USP50: variants seen among roughly 807,000 people sequenced by gnomAD.
The protein encoded by USP50 is ubiquitin specific peptidase 50, also known as ubiquitin carboxyl-terminal hydrolase 50.
In USP50, 37 loss-of-function variants were observed where a neutral mutation model predicts 39.2. The ratio of observed to expected loss-of-function variants is 0.94; its 90% CI spans 0.73 to 1.24. The LOEUF is 1.24. USP50 is among the 50% of genes most tolerant of loss of function. The pLI is 0.00. For synonymous variants in USP50, 139 were observed against 144.5 expected (o/e 0.96, Z 0.27); for missense variants, 374 against 398.2 (o/e 0.94, Z 0.52).
intron 6 of USP50, chr15:50,507,560 T>A (rs574761461): frequency 6.6e-6 from 1 of 152,062 alleles, no homozygotes; most frequent in Admixed American, 6.5e-5. Flanking sequence ...TCACCCAAAT[T>A]GTATAATTTG....
intron 6 of USP50, among the ~76,000 whole-genome samples, chr15:50,527,193 G>A (rs2052904821): frequency 1.3e-5 from 2 of 152,012 alleles, no homozygotes; most frequent in South Asian, 2.1e-4. Flanking sequence ...GCCTGAGGTG[G>A]GGCCTGAGAT....
At chr15:50,536,643 A>G (rs2052982683) in intron 5 of USP50, among the ~76,000 whole-genome samples, 1 of 152,190 alleles carries the variant, frequency 6.6e-6, no homozygotes, top group African/African-American at 2.4e-5. Flanking sequence ...TCCATCTCAA[A>G]AAAATTTTAA....
chr15:50,524,439 T>A (rs1007404027), intron 6 of USP50, among the ~76,000 whole-genome samples: 9 of 152,312 alleles, frequency 5.9e-5, no homozygotes, highest in African/African-American at 2.2e-4. Context: ...ACAAATAAGC[T>A]GATTTTAAAA....
chr15:50,525,642 G>A (rs191469737), intron 6 of USP50, among the ~76,000 whole-genome samples: 4,225 of 99,776 alleles, frequency 0.042, 500 homozygotes, highest in African/African-American at 0.064. Context: ...ATATGTATAT[G>A]TGTATATGTA....
chr15:50,525,580 A>G (rs1288526570), intron 6 of USP50, among the ~76,000 whole-genome samples: 21 of 114,982 alleles, frequency 1.8e-4, no homozygotes, highest in Non-Finnish European at 2.9e-4. Flanking sequence ...ATGTATATGT[A>G]TATATGTATA....
At chr15:50,529,748 G>A (rs3098200) in intron 6 of USP50, 49 bp downstream of exon 6, 735,207 of 1,581,058 alleles carry the variant, frequency 0.47, 172,358 homozygotes, top group Admixed American at 0.56. Flanking sequence ...AGATAATTCT[G>A]GAGTTTTCTT....
intron 6 of USP50, 136 bp downstream of exon 6, chr15:50,529,661 G>T: frequency 3.3e-6 from 3 of 919,734 alleles, no homozygotes; most frequent in Non-Finnish European, 3.2e-6. Flanking sequence ...CTAGGTCAAA[G>T]TGGAGAGTTT....
chr15:50,497,312 C>A, downstream of USP50: 1 of 1,495,490 alleles, frequency 6.7e-7, no homozygotes, highest in Non-Finnish European at 8.9e-7. Flanking sequence ...ACTTGTTGTA[C>A]TGCCTGCCAT....
At chr15:50,530,054 C>T in intron 5 of USP50, 125 bp from the exon 6 acceptor site, 1 of 1,381,856 alleles carries the variant, frequency 7.2e-7, no homozygotes, top group Non-Finnish European at 9.9e-7. Flanking sequence ...TGCCTGTAAT[C>T]CCACAACTTT....
At chr15:50,535,279 A>G (rs772764607) in intron 5 of USP50, among the ~76,000 whole-genome samples, 7 of 152,228 alleles carry the variant, frequency 4.6e-5, no homozygotes, top group Non-Finnish European at 8.8e-5. Context: ...GTAAGGACAT[A>G]GTTAAACTCA....
At chr15:50,507,960 C>T (rs1481998654) in intron 6 of USP50, 1 of 150,046 alleles carries the variant, frequency 6.7e-6, no homozygotes, top group African/African-American at 2.5e-5. Context: ...ATCCCAGCTA[C>T]TGAGGAGGCT....
chr15:50,527,225 G>T (rs1228089071), intron 6 of USP50, among the ~76,000 whole-genome samples: 1 of 152,122 alleles, frequency 6.6e-6, no homozygotes, highest in Non-Finnish European at 1.5e-5. Context: ...TTTTTTCTGA[G>T]ACGGAGTCTC....
intron 1 of USP50, among the ~76,000 whole-genome samples, chr15:50,495,136 T>A (rs2052327157): frequency 6.6e-6 from 1 of 151,968 alleles, no homozygotes; most frequent in African/African-American, 2.4e-5. Flanking sequence ...CAACTTCTTT[T>A]TAGCACTTTT....
intron 6 of USP50, among the ~76,000 whole-genome samples, chr15:50,526,072 T>C (rs1434425560): frequency 2.0e-5 from 3 of 152,124 alleles, no homozygotes; most frequent in Admixed American, 1.3e-4. Flanking sequence ...TATATTATTT[T>C]ATTTTAGGCA....
downstream of USP50, chr15:50,498,753 C>G: frequency 6.4e-7 from 1 of 1,574,524 alleles, no homozygotes; most frequent in South Asian, 1.2e-5. Flanking sequence ...GAACTGAAGA[C>G]TTTTTGTTTC....
At chr15:50,493,255 G>A (rs552312525), downstream of USP50, 1 of 513,490 alleles carries the variant, frequency 1.9e-6, no homozygotes, top group African/African-American at 1.9e-5. Flanking sequence ...TCTTAATCCT[G>A]TCACATTGGC....
intron 6 of USP50, among the ~76,000 whole-genome samples, chr15:50,524,528 T>C (rs750920248): frequency 5.9e-5 from 9 of 152,192 alleles, no homozygotes; most frequent in Non-Finnish European, 1.3e-4. Flanking sequence ...TCAACATCAT[T>C]AAGCATTAAG....
intron 5 of USP50, among the ~76,000 whole-genome samples, chr15:50,537,377 T>C (rs1052336451): frequency 1.3e-5 from 2 of 152,154 alleles, no homozygotes; most frequent in Non-Finnish European, 2.9e-5. Flanking sequence ...AAAATCTAGA[T>C]AATCTTGTGT....
At chr15:50,496,920 A>G, downstream of USP50, 1 of 780,256 alleles carries the variant, frequency 1.3e-6, no homozygotes, top group South Asian at 2.0e-5. Flanking sequence ...GTCATTGTTC[A>G]CTTGTCTATG....
Sources: gnomAD v4.1 joint callset for allele counts (sites outside exome capture counted in the v4.1 genomes callset) on GRCh38, gnomAD v4.1.1 for gene constraint, MANE v1.5 for transcripts, NCBI Gene and HGNC (gene_info 2026-07-23, HGNC 2026-07-21) for gene names.